The following BTRC variants were observed in gnomAD, a reference collection of about 807,000 sequenced individuals.
BTRC encodes the protein beta-transducin repeat containing E3 ubiquitin protein ligase.
In BTRC, 42 loss-of-function variants were observed where a neutral mutation model predicts 85.5. The ratio of observed to expected loss-of-function variants is 0.49; its 90% CI spans 0.38 to 0.64. The LOEUF is 0.64. Ranked by LOEUF, BTRC falls within the 30% of genes least tolerant of loss-of-function variation. The probability of loss-of-function intolerance (pLI) is 0.00; values close to 1 mark genes in which losing one functional copy is unlikely to be tolerated. For synonymous variants in BTRC, 255 were observed against 263.3 expected (o/e 0.97, Z 0.30); for missense variants, 594 against 743.5 (o/e 0.80, Z 2.34).
In BTRC at chr10:101,447,464, G is replaced by A. The variant is rs568980660; in HGVS notation, c.157-14517G>A. 2.0e-5 allele frequency among the ~76,000 whole-genome samples: 3 copies of A among 152,164 alleles called. No individual in the cohort carries two copies. In the South Asian group the frequency reaches 6.2e-4, roughly 32 times the overall value. ...ATGCATTATACATTGGTTTCCACAA[G>A]AGGGTATTTTGGCAGGAGATACTTT... On this transcript the variant is annotated intron_variant, in intron 2 of 14. Transcript: ENST00000370187.
At chr10:101,541,679 A>G (rs1404327408) in intron 13 of BTRC, among the ~76,000 whole-genome samples, 2 of 152,200 alleles carry the variant, frequency 1.3e-5, no homozygotes, top group Non-Finnish European at 2.9e-5. Flanking sequence ...ATCTACATCC[A>G]TTGAGATAAT....
At position 101,458,110 on chromosome 10, in the gene BTRC, T is replaced by C. The variant is rs77655056; in HGVS notation, c.157-3871T>C. Among the ~76,000 whole-genome samples, 614 of 152,224 alleles carry C rather than the reference T, an allele frequency of 4.0e-3. 7 individuals are homozygous for C. The highest frequency in any genetic ancestry group is 0.014 in the African/African-American group (591 of 41,534). On this transcript the variant is annotated intron_variant, in intron 2 of 14. Coordinates refer to ENST00000370187, the MANE Select transcript of BTRC (RefSeq NM_033637.4). ...TAATAAAAATAATCACAGTACAAAT[T>C]ATCAAAACCAGGAAATTGAATGGAT...
At chr10:101,409,826 T>G (rs1042283397) in intron 1 of BTRC, among the ~76,000 whole-genome samples, 2 of 152,236 alleles carry the variant, frequency 1.3e-5, no homozygotes, top group Non-Finnish European at 2.9e-5. Flanking sequence ...TAAGTATTTT[T>G]GGGCTGTTTT....
At chr10:101,524,398 C>T (rs767077521) in intron 5 of BTRC, among the ~76,000 whole-genome samples, 25 of 152,170 alleles carry the variant, frequency 1.6e-4, no homozygotes, top group Non-Finnish European at 3.5e-4. Flanking sequence ...CCTGTGTATC[C>T]TTTACCTAAT....
At chr10:101,433,510 A>G (rs1944452606) in intron 2 of BTRC, among the ~76,000 whole-genome samples, 1 of 152,180 alleles carries the variant, frequency 6.6e-6, no homozygotes, top group South Asian at 2.1e-4. Flanking sequence ...TTTCAGGCCT[A>G]AGGAAGAGTC....
intron 1 of BTRC, among the ~76,000 whole-genome samples, chr10:101,366,889 T>TATATATTA (rs1942424785): frequency 2.2e-4 from 5 of 22,654 alleles, no homozygotes; most frequent in South Asian, 9.5e-4. Context: ...TATATATATT[T>TATATATTA]ATATATATTT....
intron 4 of BTRC, among the ~76,000 whole-genome samples, chr10:101,481,638 C>T (rs966090795): frequency 6.6e-6 from 1 of 151,944 alleles, no homozygotes; most frequent in Non-Finnish European, 1.5e-5. Flanking sequence ...CCATCTAGCA[C>T]AATTATTTAA....
In BTRC at chr10:101,555,400, C is replaced by T. The variant is rs547646425; in HGVS notation, c.*2277C>T. 6.6e-6 allele frequency: 1 copy of T among 152,654 alleles called. No homozygotes were observed. Among genetic ancestry groups the T allele is most frequent in the South Asian group, 2.1e-4 (1 of 4,832 alleles). The allele number at this position is 152,654 out of a possible 1,614,324, so 9.5% of individuals were successfully genotyped here. On this transcript the variant is annotated 3_prime_UTR_variant, in exon 15 of 15. Transcript: ENST00000370187. ...AGACTGTTTTGAGACATGTCCAGTACATCACAAAGGAGATCGGGGCGACCC... is the reference window on the plus strand; with the variant it reads ...AGACTGTTTTGAGACATGTCCAGTATATCACAAAGGAGATCGGGGCGACCC...
chr10:101,493,724 G>A (rs1428075839), intron 4 of BTRC, among the ~76,000 whole-genome samples: 1 of 152,100 alleles, frequency 6.6e-6, no homozygotes, highest in East Asian at 1.9e-4. Flanking sequence ...TTCCTTTCTA[G>A]CATTCCATAT....
At chr10:101,458,166 A>G (rs1945129363) in intron 2 of BTRC, among the ~76,000 whole-genome samples, 2 of 152,246 alleles carry the variant, frequency 1.3e-5, no homozygotes, top group South Asian at 4.1e-4. Flanking sequence ...CATACAGTAG[A>G]TAATACTACT....
intron 1 of BTRC, among the ~76,000 whole-genome samples, chr10:101,360,058 T>A (rs78446856): frequency 0.055 from 8,339 of 152,068 alleles, 290 homozygotes; most frequent in Non-Finnish European, 0.076. Context: ...CTCTTTTTTT[T>A]AAAAAAACTT....
At chr10:101,392,617 A>T (rs1378848235) in intron 1 of BTRC, among the ~76,000 whole-genome samples, 1 of 152,062 alleles carries the variant, frequency 6.6e-6, no homozygotes, top group African/African-American at 2.4e-5. Context: ...CTCTTACCTC[A>T]GCCTCCCAAA....
intron 4 of BTRC, among the ~76,000 whole-genome samples, chr10:101,510,025 G>A (rs574222900): frequency 2.0e-4 from 30 of 151,972 alleles, no homozygotes; most frequent in South Asian, 6.2e-4. Flanking sequence ...AATTAGCTGC[G>A]CGTGGTGTTA....
At chr10:101,454,753 G>A (rs1396946636) in intron 2 of BTRC, among the ~76,000 whole-genome samples, 2 of 152,286 alleles carry the variant, frequency 1.3e-5, no homozygotes, top group African/African-American at 4.8e-5. Flanking sequence ...TTACACTCCA[G>A]CCTGATGTGA....
intron 6 of BTRC, among the ~76,000 whole-genome samples, chr10:101,530,699 A>G (rs1391831833): frequency 6.6e-6 from 1 of 152,184 alleles, no homozygotes. Context: ...TACACTGGAA[A>G]TAATCATGTT....
chr10:101,528,608 G>A (rs569610295), intron 6 of BTRC, among the ~76,000 whole-genome samples: 13 of 151,870 alleles, frequency 8.6e-5, no homozygotes, highest in Non-Finnish European at 1.3e-4. Context: ...TATACATCCC[G>A]TGTCAACTTC....
chr10:101,531,424 G>A, intron 7 of BTRC, 91 bp downstream of exon 7: 8 of 992,008 alleles, frequency 8.1e-6, no homozygotes, highest in Non-Finnish European at 1.2e-5. Flanking sequence ...GCCCATTAAG[G>A]TTTATTGACA....
rs1237541578 is a variant in BTRC at position 101,554,455 on chromosome 10, T to C, written c.*1332T>C. 1.3e-5 allele frequency: 2 copies of C among 152,630 alleles called. No individual in the cohort carries two copies. The highest frequency in any genetic ancestry group is 4.8e-5 in the African/African-American group (2 of 41,450). 9.5% of individuals were successfully genotyped at this position (152,630 alleles called of 1,614,324 possible). Reference sequence around the variant, plus strand: ...TTTTGTTTTGGCCAGTTAAATATCATCTCTCAAATATTGATCTCACCGTGT... The same window carrying C: ...TTTTGTTTTGGCCAGTTAAATATCACCTCTCAAATATTGATCTCACCGTGT... On this transcript the variant is annotated 3_prime_UTR_variant, in exon 15 of 15. Transcript: ENST00000370187.
intron 1 of BTRC, among the ~76,000 whole-genome samples, chr10:101,401,724 G>C (rs575160795): frequency 6.6e-6 from 1 of 151,690 alleles, no homozygotes; most frequent in South Asian, 2.1e-4. Flanking sequence ...TGTAATCCTG[G>C]CACTTTCTGA....
Sources: allele counts gnomAD v4.1 joint callset (sites outside exome capture counted in the v4.1 genomes callset), GRCh38; gene constraint gnomAD v4.1.1; transcripts MANE v1.5; gene names NCBI Gene and HGNC (gene_info 2026-07-23, HGNC 2026-07-21).